Variants in TLN2 observed in about 807,000 individuals in gnomAD.
TLN2 encodes the protein talin 2.
TLN2 carries 118 observed loss-of-function variants against 294.7 expected under a neutral mutation model. The observed-to-expected ratio is 0.40, with a 90% CI of 0.34 to 0.47. The LOEUF is 0.47. Ranked by LOEUF, TLN2 falls within the 20% of genes least tolerant of loss-of-function variation. The pLI is 0.84. For synonymous variants in TLN2, 1,431 were observed against 1,304.5 expected, an observed-to-expected ratio of 1.10 and a Z score of -2.09; for missense variants, 3,083 against 3,282.2, an observed-to-expected ratio of 0.94 and a Z score of 1.48.
intron 13 of TLN2, among the ~76,000 whole-genome samples, chr15:62,693,385 G>A (rs2058078233): frequency 6.6e-6 from 1 of 152,134 alleles, no homozygotes; most frequent in Non-Finnish European, 1.5e-5. Context: ...CACTAATTAA[G>A]TGTGAGATCT....
At chr15:62,530,772 T>A (rs2041001385) in intron 1 of TLN2, among the ~76,000 whole-genome samples, 1 of 152,270 alleles carries the variant, frequency 6.6e-6, no homozygotes, top group African/African-American at 2.4e-5. Flanking sequence ...TACTTTCTGA[T>A]CTTCGTCTTT....
At chr15:62,756,555 G>C (rs982339075) in intron 37 of TLN2, among the ~76,000 whole-genome samples, 8 of 152,120 alleles carry the variant, frequency 5.3e-5, no homozygotes, top group Admixed American at 2.0e-4. Flanking sequence ...CCAGTTCTGT[G>C]TTAAACCCTG....
intron 9 of TLN2, among the ~76,000 whole-genome samples, chr15:62,665,064 A>G (rs558330717): frequency 6.6e-6 from 1 of 152,096 alleles, no homozygotes; most frequent in Non-Finnish European, 1.5e-5. Flanking sequence ...TTCACACTCA[A>G]CTATTTTTGT....
At position 62,563,351 on chromosome 15, in the gene TLN2, C is replaced by T. The variant is rs139876019; in HGVS notation, c.-237-26336C>T. On this transcript the variant is annotated intron_variant, in intron 1 of 58. Coordinates refer to ENST00000636159, the MANE Select transcript of TLN2 (RefSeq NM_015059.3). ...TTTGCATTTCCCTGATCATTAGTGA[C>T]GTTGAGCATTTTGTTCATTTTGTTG... Among the ~76,000 whole-genome samples, 14 of 152,190 alleles carry T rather than the reference C, an allele frequency of 9.2e-5. No individual in the cohort carries two copies. In the East Asian group the frequency reaches 2.3e-3, roughly 25 times the overall value.
At chr15:62,472,638 G>T (rs2037544713) in intron 1 of TLN2, among the ~76,000 whole-genome samples, 1 of 152,158 alleles carries the variant, frequency 6.6e-6, no homozygotes, top group Admixed American at 6.5e-5. Context: ...CCAAAAAAAA[G>T]TTTTTTTGGA....
At chr15:62,568,559 C>G (rs1375019767) in intron 1 of TLN2, among the ~76,000 whole-genome samples, 1 of 152,214 alleles carries the variant, frequency 6.6e-6, no homozygotes, top group Non-Finnish European at 1.5e-5. Flanking sequence ...AGTGCTCAGT[C>G]TGTGTTAGCA....
chr15:62,804,158 G>T (rs564981789), intron 50 of TLN2, among the ~76,000 whole-genome samples: 4 of 152,182 alleles, frequency 2.6e-5, no homozygotes, highest in Non-Finnish European at 5.9e-5. Flanking sequence ...GAAGCTAGGG[G>T]TGGGGTGACA....
At chr15:62,548,406 C>T (rs118090453) in intron 1 of TLN2, among the ~76,000 whole-genome samples, 1 of 152,236 alleles carries the variant, frequency 6.6e-6, no homozygotes, top group East Asian at 1.9e-4. Context: ...ACAGAAACCC[C>T]AAATTGGCTT....
chr15:62,668,107 ATAAG>A (rs1436999769), intron 9 of TLN2, among the ~76,000 whole-genome samples: 1 of 152,194 alleles, frequency 6.6e-6, no homozygotes, highest in Admixed American at 6.5e-5. Flanking sequence ...CATAGCATAA[ATAAG>A]TCTAGAGGCC....
intron 2 of TLN2, among the ~76,000 whole-genome samples, chr15:62,609,209 A>C (rs1312756369): frequency 6.6e-6 from 1 of 152,218 alleles, no homozygotes; most frequent in African/African-American, 2.4e-5. Context: ...GAAGCTGAAA[A>C]TACAGCACAA....
chr15:62,702,616 G>A, intron 18 of TLN2, 150 bp from the exon 19 acceptor site: 1 of 713,964 alleles, frequency 1.4e-6, no homozygotes, highest in Non-Finnish European at 2.4e-6. Flanking sequence ...GATTTCACCG[G>A]GATGTCTTCT....
chr15:62,427,097 C>T (rs1445221436), intron 1 of TLN2, among the ~76,000 whole-genome samples: 1 of 152,076 alleles, frequency 6.6e-6, no homozygotes, highest in African/African-American at 2.4e-5. Flanking sequence ...CAGGAGCACC[C>T]CCGAGGTTAT....
At chr15:62,757,991 G>A (rs1330988931) in intron 37 of TLN2, among the ~76,000 whole-genome samples, 2 of 152,244 alleles carry the variant, frequency 1.3e-5, no homozygotes, top group Non-Finnish European at 2.9e-5. Flanking sequence ...TATGTGTTCT[G>A]TCAAACAGAA....
chr15:62,567,235 T>G (rs1236212000), intron 1 of TLN2, among the ~76,000 whole-genome samples: 1 of 152,226 alleles, frequency 6.6e-6, no homozygotes, highest in Admixed American at 6.5e-5. Flanking sequence ...CTTATTAGCA[T>G]AAAGAATGAA....
chr15:62,437,610 G>C (rs1489469673), intron 1 of TLN2, among the ~76,000 whole-genome samples: 1 of 152,126 alleles, frequency 6.6e-6, no homozygotes, highest in Non-Finnish European at 1.5e-5. Context: ...CATAATCATA[G>C]TACTGTGTGT....
intron 3 of TLN2, among the ~76,000 whole-genome samples, chr15:62,630,712 T>C (rs2049720891): frequency 6.6e-6 from 1 of 152,168 alleles, no homozygotes; most frequent in Non-Finnish European, 1.5e-5. Flanking sequence ...CTTTTTTTTT[T>C]GGCTTTCTGA....
At chr15:62,717,727 G>T in intron 24 of TLN2, 38 bp downstream of exon 24, 2 of 1,433,392 alleles carry the variant, frequency 1.4e-6, no homozygotes, top group Non-Finnish European at 1.9e-6. Flanking sequence ...GTCAGCTGCA[G>T]ATGACCCTGA....
At chr15:62,663,389 C>G (rs926326096) in intron 9 of TLN2, among the ~76,000 whole-genome samples, 1 of 150,684 alleles carries the variant, frequency 6.6e-6, no homozygotes, top group South Asian at 2.1e-4. Context: ...CAGAAGGATG[C>G]TTGCTCTCAG....
intron 1 of TLN2, among the ~76,000 whole-genome samples, chr15:62,484,485 G>A (rs1397768530): frequency 1.3e-5 from 2 of 151,950 alleles, no homozygotes; most frequent in South Asian, 2.1e-4. Flanking sequence ...GAGTGCAGTG[G>A]CGCGATCTCG....
Sources: gnomAD v4.1 joint callset for allele counts (sites outside exome capture counted in the v4.1 genomes callset) on GRCh38, gnomAD v4.1.1 for gene constraint, MANE v1.5 for transcripts, NCBI Gene and HGNC (gene_info 2026-07-23, HGNC 2026-07-21) for gene names.